The following PTPRM variants were observed in gnomAD, a reference collection of about 807,000 sequenced individuals.
PTPRM encodes the protein receptor-type tyrosine-protein phosphatase mu.
PTPRM carries 47 observed loss-of-function variants against 186.7 expected under a neutral mutation model. The observed-to-expected ratio is 0.25, with a 90% CI of 0.20 to 0.32. The LOEUF is 0.32. Ranked by LOEUF, PTPRM falls within the 10% of genes least tolerant of loss-of-function variation. The pLI is 1.00. For synonymous variants in PTPRM, 668 were observed against 674.9 expected (o/e 0.99, Z 0.16); for missense variants, 1,494 against 1,865.0 (o/e 0.80, Z 3.66).
intron 1 of PTPRM, among the ~76,000 whole-genome samples, chr18:7,731,995 A>G (rs1354096345): frequency 2.0e-5 from 3 of 152,212 alleles, no homozygotes; most frequent in African/African-American, 4.8e-5. Flanking sequence ...AAGAAAATTC[A>G]ATAAGAAAAC....
chr18:8,400,677 G>C (rs1863800950), intron 32 of PTPRM, among the ~76,000 whole-genome samples: 2 of 152,178 alleles, frequency 1.3e-5, no homozygotes, highest in Non-Finnish European at 2.9e-5. Context: ...CACAGGTTCA[G>C]GTTGCCCCCT....
At chr18:7,694,612 A>G (rs986047365) in intron 1 of PTPRM, among the ~76,000 whole-genome samples, 1 of 152,056 alleles carries the variant, frequency 6.6e-6, no homozygotes, top group South Asian at 2.1e-4. Flanking sequence ...TTTTTAGTAG[A>G]GACAGAGTTT....
chr18:7,885,831 T>G (rs977114074), intron 2 of PTPRM, among the ~76,000 whole-genome samples: 4 of 152,204 alleles, frequency 2.6e-5, no homozygotes, highest in African/African-American at 9.6e-5. Flanking sequence ...GGAGGCAGGC[T>G]GTGTAGCTAG....
intron 2 of PTPRM, among the ~76,000 whole-genome samples, chr18:7,810,995 T>C (rs2044481659): frequency 6.6e-6 from 1 of 152,242 alleles, no homozygotes; most frequent in Non-Finnish European, 1.5e-5. Flanking sequence ...ACTTGTTTTA[T>C]TTTATCCTTT....
intron 23 of PTPRM, among the ~76,000 whole-genome samples, chr18:8,368,426 C>T (rs997909298): frequency 7.2e-5 from 11 of 151,758 alleles, no homozygotes; most frequent in Admixed American, 5.9e-4. Context: ...ATAGATAAGC[C>T]CTTTATAAAG....
chr18:8,201,361 G>T (rs2093853774), intron 14 of PTPRM, among the ~76,000 whole-genome samples: 1 of 152,128 alleles, frequency 6.6e-6, no homozygotes, highest in Admixed American at 6.5e-5. Context: ...ATAATCTTCG[G>T]TTTTACATAT....
At chr18:7,881,639 A>T (rs766204753) in intron 2 of PTPRM, among the ~76,000 whole-genome samples, 2 of 152,060 alleles carry the variant, frequency 1.3e-5, no homozygotes, top group Non-Finnish European at 2.9e-5. Flanking sequence ...TGTTGTGAGG[A>T]TTTAATTAGA....
intron 2 of PTPRM, among the ~76,000 whole-genome samples, chr18:7,847,867 G>A (rs866144466): frequency 2.0e-5 from 3 of 152,152 alleles, no homozygotes; most frequent in East Asian, 3.9e-4. Flanking sequence ...TGACCCAGGC[G>A]CTATGCCATC....
chr18:8,382,047 TCA>T (rs2095740253), intron 29 of PTPRM, among the ~76,000 whole-genome samples: 1 of 152,190 alleles, frequency 6.6e-6, no homozygotes, highest in South Asian at 2.1e-4. Context: ...CCAGTTCTAT[TCA>T]GCAGACAGAG....
chr18:7,841,910 G>C (rs905130759), intron 2 of PTPRM, among the ~76,000 whole-genome samples: 3 of 150,972 alleles, frequency 2.0e-5, no homozygotes, highest in Non-Finnish European at 4.4e-5. Flanking sequence ...ATTCTTCATA[G>C]ATATAAATAT....
chr18:8,240,718 GAGAA>G (rs1248271887), intron 14 of PTPRM, among the ~76,000 whole-genome samples: 4 of 136,438 alleles, frequency 2.9e-5, no homozygotes, highest in Admixed American at 7.7e-5. Flanking sequence ...AAGGAAAGAA[GAGAA>G]AGAAAGAAAT....
At chr18:8,154,215 G>A (rs1406321327) in intron 14 of PTPRM, among the ~76,000 whole-genome samples, 1 of 152,206 alleles carries the variant, frequency 6.6e-6, no homozygotes, top group East Asian at 1.9e-4. Context: ...GAATGAGAGA[G>A]AGGGAAGGAA....
chr18:7,887,583 TCTAGGTTATACAGAG>T (rs2048851769), intron 2 of PTPRM, among the ~76,000 whole-genome samples: 4 of 152,132 alleles, frequency 2.6e-5, no homozygotes. Flanking sequence ...TTTGTCTTTC[TCTAGGTTATACAGAG>T]TGATTACTGA....
rs553429907 is a variant in PTPRM at position 7,875,591 on chromosome 18, T to C, written c.197-12515T>C. Among the ~76,000 whole-genome samples the C allele has an allele frequency of 1.3e-4, 20 of 152,192 alleles. 1 individual carries two copies. Among genetic ancestry groups the C allele is most frequent in the African/African-American group, 1.9e-4 (8 of 41,456 alleles). On this transcript the variant is annotated intron_variant, in intron 2 of 32. Coordinates refer to ENST00000580170, the MANE Select transcript of PTPRM (RefSeq NM_001105244.2). Reference sequence around the variant, plus strand: ...TGCCTGCCTCGACTTCCCAAAGTGCTGGGATTACCGGCGTGAGCCTCTGTG... The same window carrying C: ...TGCCTGCCTCGACTTCCCAAAGTGCCGGGATTACCGGCGTGAGCCTCTGTG...
At chr18:8,254,515 A>C in intron 19 of PTPRM, among the ~76,000 whole-genome samples, 1 of 152,202 alleles carries the variant, frequency 6.6e-6, no homozygotes, top group Non-Finnish European at 1.5e-5. Context: ...TTATGTAGAC[A>C]TGTGGTTTTT....
intron 7 of PTPRM, among the ~76,000 whole-genome samples, chr18:7,963,263 C>T (rs1448180622): frequency 6.6e-6 from 1 of 152,166 alleles, no homozygotes; most frequent in East Asian, 1.9e-4. Context: ...GTTTAGGCCC[C>T]AGAGATTCTG....
intron 14 of PTPRM, among the ~76,000 whole-genome samples, chr18:8,215,070 T>TA (rs1195116038): frequency 2.0e-5 from 3 of 152,180 alleles, no homozygotes; most frequent in African/African-American, 7.2e-5. Context: ...GTCATACTTT[T>TA]AAAAAATACC....
At chr18:8,051,305 T>C (rs942098821) in intron 7 of PTPRM, among the ~76,000 whole-genome samples, 5 of 152,336 alleles carry the variant, frequency 3.3e-5, no homozygotes, top group African/African-American at 1.2e-4. Flanking sequence ...TCTGAAGTTA[T>C]GTAATATTTG....
intron 1 of PTPRM, among the ~76,000 whole-genome samples, chr18:7,669,607 A>G (rs928460046): frequency 6.6e-6 from 1 of 152,214 alleles, no homozygotes; most frequent in Non-Finnish European, 1.5e-5. Flanking sequence ...GGATAAGGCT[A>G]AAGGCAATGA....
Sources: gnomAD v4.1 joint callset for allele counts (sites outside exome capture counted in the v4.1 genomes callset) on GRCh38, gnomAD v4.1.1 for gene constraint, MANE v1.5 for transcripts, NCBI Gene and HGNC (gene_info 2026-07-23, HGNC 2026-07-21) for gene names.